The following SDK1 variants were observed in gnomAD, a reference collection of about 807,000 sequenced individuals.
The protein encoded by SDK1 is protein sidekick-1.
SDK1 carries 157 observed loss-of-function variants against 245.5 expected under a neutral mutation model. The ratio of observed to expected loss-of-function variants is 0.64; its 90% CI spans 0.56 to 0.73. SDK1 has a LOEUF of 0.73. Ranked by LOEUF, SDK1 falls within the 30% of genes least tolerant of loss-of-function variation. The probability of loss-of-function intolerance (pLI) is 0.00; values close to 1 mark genes in which losing one functional copy is unlikely to be tolerated. For missense variants in SDK1, 3,583 were observed against 3,002.3 expected, an observed-to-expected ratio of 1.19 and a Z score of -4.52; for synonymous variants, 1,647 against 1,278.5, an observed-to-expected ratio of 1.29 and a Z score of -6.15.
rs1783493993 is a variant in SDK1 at position 3,665,385 on chromosome 7, G to T, written c.713+23280G>T. ...GAATCTACATATCAGTTAAAATAATGAATAGTTCTTTTAGTCCTGCTCTAG... is the reference window on the plus strand; with the variant it reads ...GAATCTACATATCAGTTAAAATAATTAATAGTTCTTTTAGTCCTGCTCTAG... On this transcript the variant is annotated intron_variant, in intron 4 of 44. Coordinates refer to ENST00000404826, the MANE Select transcript of SDK1 (RefSeq NM_152744.4). 2.6e-5 allele frequency among the ~76,000 whole-genome samples: 4 copies of T among 152,290 alleles called. No individual in the cohort carries two copies. In the South Asian group the frequency reaches 6.2e-4, roughly 24 times the overall value.
At chr7:4,017,546 A>G (rs1385619369) in intron 17 of SDK1, among the ~76,000 whole-genome samples, 194 bp downstream of exon 17, 2 of 152,166 alleles carry the variant, frequency 1.3e-5, no homozygotes. Context: ...TAGACAGGAG[A>G]CAAATAATAT....
chr7:4,004,935 TC>T (rs2128145970), intron 14 of SDK1, among the ~76,000 whole-genome samples: 1 of 148,536 alleles, frequency 6.7e-6, no homozygotes, highest in South Asian at 2.2e-4. Flanking sequence ...CCCTTCTACC[TC>T]CCCGCTTCCT....
intron 4 of SDK1, among the ~76,000 whole-genome samples, chr7:3,653,415 C>G (rs1351138047): frequency 6.6e-6 from 1 of 152,000 alleles, no homozygotes. Context: ...TAGGGAGAGA[C>G]CATGAGGATG....
chr7:3,890,529 A>G (rs1385521691), intron 5 of SDK1, among the ~76,000 whole-genome samples: 5 of 152,114 alleles, frequency 3.3e-5, no homozygotes, highest in Admixed American at 2.6e-4. Flanking sequence ...GACTATGCAC[A>G]CGTTGAACCA....
intron 30 of SDK1, among the ~76,000 whole-genome samples, chr7:4,152,163 G>A (rs1030601807): frequency 1.3e-5 from 2 of 152,210 alleles, no homozygotes; most frequent in South Asian, 2.1e-4. Flanking sequence ...GACCGCCACG[G>A]AACTGGCAGC....
chr7:3,757,896 C>A (rs1779982620), intron 4 of SDK1, among the ~76,000 whole-genome samples: 1 of 152,166 alleles, frequency 6.6e-6, no homozygotes, highest in Non-Finnish European at 1.5e-5. Flanking sequence ...GACCAGCACC[C>A]ATCCTGAAGC....
intron 4 of SDK1, among the ~76,000 whole-genome samples, chr7:3,738,847 C>G (rs1779394242): frequency 1.3e-5 from 2 of 152,004 alleles, no homozygotes; most frequent in African/African-American, 4.8e-5. Context: ...TGTAGAAACA[C>G]AACTGTTGTT....
At chr7:4,036,529 A>T (rs1212963007) in intron 17 of SDK1, among the ~76,000 whole-genome samples, 1 of 152,228 alleles carries the variant, frequency 6.6e-6, no homozygotes. Context: ...ACCGTAACAT[A>T]GTTGAAATTT....
At chr7:4,224,088 G>T (rs1785281678) in intron 40 of SDK1, among the ~76,000 whole-genome samples, 4 of 152,192 alleles carry the variant, frequency 2.6e-5, no homozygotes, top group Admixed American at 2.0e-4. Context: ...CATAATCCAT[G>T]CCTCCAGCAT....
chr7:3,739,484 C>T (rs947344593), intron 4 of SDK1, among the ~76,000 whole-genome samples: 7 of 152,112 alleles, frequency 4.6e-5, no homozygotes, highest in African/African-American at 1.7e-4. Flanking sequence ...TTTTATTTCT[C>T]TTTGTTCTTA....
chr7:3,776,099 T>C (rs1345577848), intron 4 of SDK1, among the ~76,000 whole-genome samples: 1 of 152,178 alleles, frequency 6.6e-6, no homozygotes, highest in Non-Finnish European at 1.5e-5. Flanking sequence ...GAGTCAGAAA[T>C]ATGATAGCAA....
chr7:3,779,660 C>T (rs967211200), intron 4 of SDK1, among the ~76,000 whole-genome samples: 8 of 152,072 alleles, frequency 5.3e-5, no homozygotes, highest in Admixed American at 1.3e-4. Context: ...AGTCCGGGCG[C>T]GGTGGCTCAC....
chr7:3,920,916 C>T (rs1380450557), intron 5 of SDK1, among the ~76,000 whole-genome samples: 1 of 152,066 alleles, frequency 6.6e-6, no homozygotes, highest in African/African-American at 2.4e-5. Context: ...GTGCCAGGAG[C>T]GGGCACTGAG....
At chr7:3,356,719 A>G (rs1283489946) in intron 1 of SDK1, among the ~76,000 whole-genome samples, 1 of 152,130 alleles carries the variant, frequency 6.6e-6, no homozygotes, top group Non-Finnish European at 1.5e-5. Context: ...CCTGATAGGA[A>G]TTTTGGGAAT....
rs547688132 is a variant in SDK1, at chr7:3,536,880, A to G, written c.299-82200A>G. Reference sequence around the variant, plus strand: ...TAATAAAAGTACCATGCTATTATGAAGTAATTATGAATCAGTAGTTGTTTA... The same window carrying G: ...TAATAAAAGTACCATGCTATTATGAGGTAATTATGAATCAGTAGTTGTTTA... On this transcript the variant is annotated intron_variant, in intron 1 of 44. Coordinates refer to ENST00000404826, the MANE Select transcript of SDK1 (RefSeq NM_152744.4). Among the ~76,000 whole-genome samples, 10 of 152,346 alleles carry G rather than the reference A, an allele frequency of 6.6e-5. No homozygotes were observed. The South Asian group carries it at 2.1e-3, about 32-fold the overall frequency.
At position 4,204,997 on chromosome 7, in the gene SDK1, G is replaced by A. The variant is rs546777995; in HGVS notation, c.5099-882G>A. On this transcript the variant is annotated intron_variant, in intron 35 of 44. Coordinates refer to ENST00000404826, the MANE Select transcript of SDK1 (RefSeq NM_152744.4). ...GAGGTGCGGCCACACCCCTAATGGC[G>A]GTGTGGTAAGGCGCGGAGGTGCGGC... 1.1e-4 allele frequency among the ~76,000 whole-genome samples: 16 copies of A among 151,832 alleles called. No individual in the cohort carries two copies. In the East Asian group the frequency reaches 2.5e-3, roughly 24 times the overall value.
chr7:4,208,714 C>T (rs887386335), intron 37 of SDK1, among the ~76,000 whole-genome samples: 5 of 152,306 alleles, frequency 3.3e-5, no homozygotes, highest in East Asian at 3.9e-4. Context: ...GCCACAGCGA[C>T]GGGAATTCCC....
intron 8 of SDK1, among the ~76,000 whole-genome samples, chr7:3,960,600 G>A (rs1011749755): frequency 6.6e-6 from 1 of 152,152 alleles, no homozygotes; most frequent in Non-Finnish European, 1.5e-5. Context: ...CCGACCCACC[G>A]TGCTTTGTAA....
intron 1 of SDK1, among the ~76,000 whole-genome samples, chr7:3,601,816 A>G (rs1389467056): frequency 1.4e-5 from 2 of 140,310 alleles, no homozygotes; most frequent in Middle Eastern, 3.5e-3. Flanking sequence ...TCCTAATGCT[A>G]TCCCTCCCCC....
Sources: gnomAD v4.1 joint callset for allele counts (sites outside exome capture counted in the v4.1 genomes callset) on GRCh38, gnomAD v4.1.1 for gene constraint, MANE v1.5 for transcripts, NCBI Gene and HGNC (gene_info 2026-07-23, HGNC 2026-07-21) for gene names.